The following MICAL3 variants were observed in gnomAD, a reference collection of about 807,000 sequenced individuals.
The protein encoded by MICAL3 is microtubule associated monooxygenase, calponin and LIM domain containing 3, also known as [F-actin]-monooxygenase MICAL3.
A neutral mutation model predicts 207.4 loss-of-function variants in MICAL3; 62 were observed. That is an observed-to-expected ratio of 0.30 (90% CI 0.24 to 0.37). The LOEUF (loss-of-function observed/expected upper bound fraction) is 0.37, where lower values mean the gene tolerates loss of function less well. Ranked by LOEUF, MICAL3 falls within the 10% of genes least tolerant of loss-of-function variation. The pLI is 1.00. For missense variants in MICAL3, 2,368 were observed against 2,635.6 expected, an observed-to-expected ratio of 0.90 and a Z score of 2.22; for synonymous variants, 1,077 against 1,069.3, an observed-to-expected ratio of 1.01 and a Z score of -0.14.
At chr22:17,896,593 G>A in intron 8 of MICAL3, 131 bp downstream of exon 8, 1 of 967,408 alleles carries the variant, frequency 1.0e-6, no homozygotes, top group Middle Eastern at 2.2e-4. Context: ...CTACTTCCTG[G>A]TGTGACTCCT....
intron 17 of MICAL3, among the ~76,000 whole-genome samples, chr22:17,866,253 T>C (rs868824252): frequency 2.0e-5 from 3 of 152,202 alleles, no homozygotes; most frequent in South Asian, 2.1e-4. Context: ...GTGAAGGCCA[T>C]TGAGCCATCA....
chr22:17,970,329 T>C (rs577637434), intron 1 of MICAL3, among the ~76,000 whole-genome samples: 8 of 152,150 alleles, frequency 5.3e-5, no homozygotes, highest in Admixed American at 3.9e-4. Flanking sequence ...GGCCCATGCT[T>C]AGAGGATGTT....
chr22:17,909,521 T>C (rs781024157), intron 1 of MICAL3, among the ~76,000 whole-genome samples: 8 of 152,184 alleles, frequency 5.3e-5, no homozygotes, highest in Non-Finnish European at 1.2e-4. Flanking sequence ...TGAGACCCTG[T>C]CTCAAAACAA....
chr22:17,859,828 G>A (rs1041756742), intron 19 of MICAL3, among the ~76,000 whole-genome samples: 1 of 152,148 alleles, frequency 6.6e-6, no homozygotes, highest in African/African-American at 2.4e-5. Context: ...CCCTCCATCC[G>A]CCCAGCCTGC....
At chr22:17,856,276 G>A (rs1174417578) in intron 19 of MICAL3, among the ~76,000 whole-genome samples, 1 of 152,250 alleles carries the variant, frequency 6.6e-6, no homozygotes, top group African/African-American at 2.4e-5. Context: ...TTTGGGGAAA[G>A]TATTTTGGCA....
intron 1 of MICAL3, among the ~76,000 whole-genome samples, chr22:17,912,127 C>T (rs1271328421): frequency 6.6e-6 from 1 of 152,182 alleles, no homozygotes; most frequent in East Asian, 1.9e-4. Context: ...CATCTCTTAA[C>T]AAAACATAGT....
chr22:17,825,444 G>A (rs1922073296), intron 22 of MICAL3, among the ~76,000 whole-genome samples: 1 of 151,798 alleles, frequency 6.6e-6, no homozygotes, highest in Non-Finnish European at 1.5e-5. Flanking sequence ...CTCAGCTCTT[G>A]GTTTCCTTCA....
At chr22:18,021,117 A>G (rs1366635539) in intron 1 of MICAL3, among the ~76,000 whole-genome samples, 2 of 152,200 alleles carry the variant, frequency 1.3e-5, no homozygotes, top group East Asian at 3.8e-4. Context: ...ACTGATATAC[A>G]TGGGTTAAGC....
rs755308125 is a variant in MICAL3, at chr22:17,791,036, C to A, written c.5786G>T (p.Arg1929Leu). ...RELELEDRQS[R>L]LQQELRERMA... is the part of the protein sequence containing the mutation. ...GCGTTCCCGGAGCTCCTGCTGCAGT[C>A]GACTCTGCCGGTCTTCCAGCTCCAG... Residue 1929 changes from arginine to leucine, a missense_variant, in exon 31 of 32, where the codon CGA (arginine) becomes CTA (leucine). Physicochemically the swap from Arg to Leu is moderately radical, Grantham distance 102 (BLOSUM62 -2). This residue lies in a region of MICAL3 where 1,770 missense variants were observed against 1,863.2 expected (regional missense o/e 0.95). Transcript: ENST00000441493. 3.7e-6 allele frequency: 6 copies of A among 1,611,958 alleles called. No homozygotes were observed. In the Admixed American group the frequency reaches 5.0e-5, roughly 13 times the overall value.
At chr22:18,005,406 C>T (rs564079058) in intron 1 of MICAL3, 5 of 152,258 alleles carry the variant, frequency 3.3e-5, no homozygotes, top group African/African-American at 1.2e-4. Flanking sequence ...AGTAACTGAG[C>T]CTGGCTTTCC....
intron 19 of MICAL3, among the ~76,000 whole-genome samples, chr22:17,856,916 C>T (rs372845966): frequency 2.0e-5 from 3 of 152,100 alleles, no homozygotes; most frequent in African/African-American, 4.8e-5. Context: ...CCACCGCGCC[C>T]GGCCGAAAAT....
intron 1 of MICAL3, among the ~76,000 whole-genome samples, chr22:17,927,086 C>G (rs532699674): frequency 1.3e-5 from 2 of 152,182 alleles, no homozygotes; most frequent in African/African-American, 4.8e-5. Flanking sequence ...AACACTGGCT[C>G]CCCATTTCCC....
At chr22:17,884,440 C>T in intron 16 of MICAL3, 1 of 1,047,430 alleles carries the variant, frequency 9.5e-7, no homozygotes, top group Non-Finnish European at 1.4e-6. Context: ...GGGAGAAGAA[C>T]AGAAAGAACT....
chr22:17,860,069 T>A, intron 19 of MICAL3: 1 of 561,702 alleles, frequency 1.8e-6, no homozygotes, highest in Non-Finnish European at 2.3e-6. Context: ...CACAGTGGCC[T>A]CAAGCTCACT....
chr22:17,849,167 G>A (rs940810809), intron 19 of MICAL3, among the ~76,000 whole-genome samples: 2 of 152,210 alleles, frequency 1.3e-5, no homozygotes, highest in African/African-American at 4.8e-5. Flanking sequence ...TGCCGGGCAC[G>A]ACGACAGGCA....
chr22:17,798,671 GC>G (rs2061902335), intron 29 of MICAL3, among the ~76,000 whole-genome samples: 1 of 134,968 alleles, frequency 7.4e-6, no homozygotes, highest in African/African-American at 3.2e-5. Context: ...TTGGAGCAAT[GC>G]CTTTTTTTTT....
Position 17,885,633 on chromosome 22 carries a change from T to C in MICAL3, c.2241+245A>G, listed in dbSNP as rs1167636447. Among the ~76,000 whole-genome samples, 4 of 150,986 alleles carry C rather than the reference T, an allele frequency of 2.6e-5. No homozygotes were observed. The South Asian group carries it at 6.3e-4, about 24-fold the overall frequency. On this transcript the variant is annotated intron_variant, in intron 16 of 31. Transcript: ENST00000441493. Reference sequence around the variant, plus strand: ...CAGGTATATGAATACAGATTTTTTTTAGATCCCTCTGCTGATTCTTGTCAG... The same window carrying C: ...CAGGTATATGAATACAGATTTTTTTCAGATCCCTCTGCTGATTCTTGTCAG...
chr22:17,995,236 G>A (rs1255551006), intron 1 of MICAL3, among the ~76,000 whole-genome samples: 2 of 152,110 alleles, frequency 1.3e-5, no homozygotes, highest in Non-Finnish European at 2.9e-5. Flanking sequence ...GAATGCAGTG[G>A]TGTGATTATA....
chr22:17,822,303 G>A (rs1399910683), intron 23 of MICAL3, 133 bp from the exon 24 acceptor site: 15 of 1,188,774 alleles, frequency 1.3e-5, no homozygotes, highest in East Asian at 5.2e-5. Context: ...CCCTTCTTAC[G>A]CAGGGACAGA....
Sources: gnomAD v4.1 joint callset for allele counts (sites outside exome capture counted in the v4.1 genomes callset) on GRCh38, gnomAD v4.1.1 for gene constraint, gnomAD v4.1.1 regional missense constraint, MANE v1.5 for transcripts, NCBI Gene and HGNC (gene_info 2026-07-23, HGNC 2026-07-21) for gene names.